The following TG variants were observed in gnomAD, a reference collection of about 807,000 sequenced individuals.
The protein encoded by TG is thyroid hormones.
A neutral mutation model predicts 324.7 loss-of-function variants in TG; 270 were observed. The ratio of observed to expected loss-of-function variants is 0.83; its 90% confidence interval spans 0.75 to 0.92. The LOEUF (loss-of-function observed/expected upper bound fraction) is 0.92, where lower values mean the gene tolerates loss of function less well. Among genes scored for constraint, TG ranks in the 40% least tolerant of loss-of-function variants. The pLI is 0.00. For missense variants in TG, 3,591 were observed against 3,456.4 expected (o/e 1.04, Z -0.98); for synonymous variants, 1,401 against 1,327.0 (o/e 1.06, Z -1.21).
intron 45 of TG, among the ~76,000 whole-genome samples, chr8:133,122,133 C>T (rs903724414): frequency 1.1e-4 from 16 of 152,120 alleles, no homozygotes; most frequent in East Asian, 3.8e-4. Flanking sequence ...AAAAATACAA[C>T]GAATTATTGC....
intron 27 of TG, among the ~76,000 whole-genome samples, chr8:132,951,513 G>A (rs188427973): frequency 4.3e-4 from 65 of 152,338 alleles, no homozygotes; most frequent in African/African-American, 1.5e-3. Flanking sequence ...CCCAGAGCAT[G>A]TGCTTGATAT....
rs772782285 is a variant in TG, at chr8:133,134,731, A to C, written c.8244A>C (p.Gly2748=). 6.2e-7 allele frequency: 1 copy of C among 1,613,998 alleles called. No homozygotes were observed. Among genetic ancestry groups the C allele is most frequent in the Admixed American group, 1.7e-5 (1 of 60,002 alleles). The change falls in exon 48 of 48, where the codon GGA becomes GGC. Residue 2748 remains glycine, a synonymous_variant. Coordinates refer to ENST00000220616, the MANE Select transcript of TG (RefSeq NM_003235.5). ...GTGAAGAGGAGGAGTTGACGGCTGG[A>C]TCTGGGCTAAGAGAAGATCTCCTAA... is the stretch of plus-strand genomic sequence containing the variant. The part of the protein sequence containing the change: ...AESEEEELTA[G]SGLREDLLSL...
intron 23 of TG, among the ~76,000 whole-genome samples, chr8:132,931,531 G>C (rs1220062674): frequency 6.6e-6 from 1 of 152,210 alleles, no homozygotes; most frequent in South Asian, 2.1e-4. Flanking sequence ...TAAGTAGCAT[G>C]ATCAGGAATA....
rs759570683 is a variant in TG at position 132,906,873 on chromosome 8, C to G, written c.3820C>G (p.Gln1274Glu). The G allele has an allele frequency of 1.2e-6, 2 of 1,613,030 alleles. No individual in the cohort carries two copies. Among genetic ancestry groups the G allele is most frequent in the East Asian group, 2.2e-5 (1 of 44,858 alleles). ...CSLESGRWES[Q>E]LPQPRACQRP... ...CCTGGAGAGCGGACGCTGGGAGTCA[C>G]AGCTGCCTCAGCCCCGGGCCTGCCA... The change falls in exon 17 of 48, where the codon CAG becomes GAG. Residue 1274 changes from glutamine to glutamate, a missense_variant. Gln to Glu is a conservative substitution (Grantham distance 29). Coordinates refer to ENST00000220616, the MANE Select transcript of TG (RefSeq NM_003235.5).
rs117796419 is a variant in TG at position 132,903,568 on chromosome 8, C to T, written c.3634+2015C>T. 5.4e-3 allele frequency among the ~76,000 whole-genome samples: 819 copies of T among 152,316 alleles called. 4 individuals carry two copies. Among genetic ancestry groups the T allele is most frequent in the Non-Finnish European group, 8.4e-3 (571 of 68,034 alleles). ...GTCTTAAAGTGACCAGGTTCCTGGT[C>T]ATGTGATCAGGAACCAAGAAACACC... On this transcript the variant is annotated intron_variant, in intron 16 of 47. Transcript: ENST00000220616.
At chr8:133,070,589 G>C (rs1418653151) in intron 41 of TG, among the ~76,000 whole-genome samples, 1 of 152,292 alleles carries the variant, frequency 6.6e-6, no homozygotes, top group African/African-American at 2.4e-5. Context: ...TCTCAGAGAG[G>C]TAAGTAATTT....
intron 45 of TG, among the ~76,000 whole-genome samples, chr8:133,125,015 A>G (rs143334664): frequency 1.7e-3 from 254 of 152,160 alleles, no homozygotes; most frequent in African/African-American, 5.9e-3. Context: ...GTGTAGATGA[A>G]AATAAATCAT....
intron 41 of TG, among the ~76,000 whole-genome samples, chr8:133,071,100 C>T (rs1418029530): frequency 6.6e-6 from 1 of 152,200 alleles, no homozygotes; most frequent in Non-Finnish European, 1.5e-5. Flanking sequence ...CTCCCTGTGT[C>T]CACCTCAGAT....
intron 40 of TG, among the ~76,000 whole-genome samples, chr8:133,025,356 C>G (rs1835976603): frequency 2.0e-5 from 3 of 152,184 alleles, no homozygotes; most frequent in Non-Finnish European, 4.4e-5. Context: ...CAGTTAATCC[C>G]CCAATAAGCC....
At chr8:132,904,745 A>AAAAAAC (rs1384378215) in intron 16 of TG, among the ~76,000 whole-genome samples, 2 of 152,222 alleles carry the variant, frequency 1.3e-5, no homozygotes, top group East Asian at 1.9e-4. Flanking sequence ...GGGAGGGTAA[A>AAAAAAC]AAAAACAAAA....
At chr8:133,092,563 G>A (rs977843857) in intron 41 of TG, among the ~76,000 whole-genome samples, 3 of 152,150 alleles carry the variant, frequency 2.0e-5, no homozygotes, top group Non-Finnish European at 4.4e-5. Context: ...CAGAGGACAC[G>A]CTTCTTCACC....
intron 35 of TG, among the ~76,000 whole-genome samples, chr8:132,992,162 T>A (rs76431776): frequency 0.055 from 8,373 of 152,216 alleles, 780 homozygotes; most frequent in African/African-American, 0.19. Flanking sequence ...TACCAGGCAC[T>A]AAGCACTGGG....
chr8:133,082,209 T>G (rs1470934692), intron 41 of TG, among the ~76,000 whole-genome samples: 2 of 152,194 alleles, frequency 1.3e-5, no homozygotes, highest in African/African-American at 4.8e-5. Context: ...AACACCAACC[T>G]TCCTTATCTT....
chr8:132,994,959 A>C, intron 35 of TG: 1 of 980,438 alleles, frequency 1.0e-6, no homozygotes, highest in Non-Finnish European at 1.2e-6. Context: ...GGTTGGCTTA[A>C]ATGTCTTTTA....
intron 41 of TG, among the ~76,000 whole-genome samples, chr8:133,045,727 TG>T (rs1355427312): frequency 6.6e-6 from 1 of 152,140 alleles, no homozygotes; most frequent in African/African-American, 2.4e-5. Flanking sequence ...CAAACACATT[TG>T]GGGTGCTTCC....
At chr8:133,119,696 G>A (rs1850987013) in intron 45 of TG, among the ~76,000 whole-genome samples, 1 of 152,148 alleles carries the variant, frequency 6.6e-6, no homozygotes, top group Non-Finnish European at 1.5e-5. Context: ...TATGAATTCT[G>A]GAGGGACGTA....
intron 38 of TG, 143 bp from the exon 39 acceptor site, chr8:133,019,459 C>T: frequency 2.9e-6 from 2 of 680,878 alleles, no homozygotes; most frequent in Non-Finnish European, 5.3e-6. Context: ...TCTTTCCACT[C>T]CCATTTCCTG....
At chr8:133,053,930 C>A (rs1211940977) in intron 41 of TG, among the ~76,000 whole-genome samples, 2 of 152,124 alleles carry the variant, frequency 1.3e-5, no homozygotes, top group Admixed American at 6.5e-5. Flanking sequence ...TGTGCCTGAT[C>A]CTTTGCAAGA....
intron 10 of TG, among the ~76,000 whole-genome samples, chr8:132,889,460 T>C (rs911016195): frequency 6.6e-6 from 1 of 152,230 alleles, no homozygotes; most frequent in Non-Finnish European, 1.5e-5. Flanking sequence ...AAATGTCGGG[T>C]GAAAGTACCA....
Sources: allele counts gnomAD v4.1 joint callset (sites outside exome capture counted in the v4.1 genomes callset), GRCh38; gene constraint gnomAD v4.1.1; transcripts MANE v1.5; gene names NCBI Gene and HGNC (gene_info 2026-07-23, HGNC 2026-07-21).